Variants in PATJ observed in about 807,000 individuals in gnomAD.
PATJ encodes inaD-like protein.
Under a neutral mutation model 224.9 loss-of-function variants are expected in PATJ, and 190 were observed. The ratio of observed to expected loss-of-function variants is 0.84; its 90% CI spans 0.75 to 0.95. The LOEUF (loss-of-function observed/expected upper bound fraction) is 0.95. PATJ is among the 40% of genes least tolerant of loss of function. The pLI is 0.00. For missense variants in PATJ, 2,121 were observed against 2,270.3 expected, an observed-to-expected ratio of 0.93 and a Z score of 1.34; for synonymous variants, 769 against 820.3, an observed-to-expected ratio of 0.94 and a Z score of 1.07.
At chr1:61,876,640 A>G (rs1667368369) in intron 21 of PATJ, among the ~76,000 whole-genome samples, 1 of 152,154 alleles carries the variant, frequency 6.6e-6, no homozygotes, top group Non-Finnish European at 1.5e-5. Context: ...AGTAATGATG[A>G]AAATCAAAAT....
chr1:61,824,566 T>C (rs1462083848), intron 15 of PATJ, among the ~76,000 whole-genome samples: 1 of 151,502 alleles, frequency 6.6e-6, no homozygotes, highest in Non-Finnish European at 1.5e-5. Flanking sequence ...GCTAGGACCA[T>C]AGCTGTGCGC....
chr1:62,148,246 C>A lies in PATJ; in HGVS notation c.5272-38C>A, dbSNP rs769244946. On this transcript the variant is annotated intron_variant, in intron 41 of 43. Coordinates refer to ENST00000642238, the MANE Select transcript of PATJ (RefSeq NM_001350145.3). ...GCATGGTTTCTCTAATTCTCCCCTT[C>A]TTTATAATGAAATACCTTTTTTTCA... The A allele has an allele frequency of 7.8e-6, 11 of 1,417,694 alleles. No individual in the cohort carries two copies. The Admixed American group carries it at 1.9e-4, about 24-fold the overall frequency. 87.8% of individuals were successfully genotyped at this position (1,417,694 alleles called of 1,614,324 possible).
intron 41 of PATJ, among the ~76,000 whole-genome samples, chr1:62,142,412 G>A (rs185395902): frequency 6.6e-6 from 1 of 151,818 alleles, no homozygotes; most frequent in East Asian, 1.9e-4. Context: ...GTCTCACCCT[G>A]CTCTGTGGAA....
chr1:62,121,409 C>T, intron 38 of PATJ, 114 bp downstream of exon 38: 4 of 682,562 alleles, frequency 5.9e-6, no homozygotes, highest in Non-Finnish European at 9.9e-6. Context: ...ATTTTTTGAG[C>T]TTGGCCACAT....
intron 17 of PATJ, 86 bp downstream of exon 17, chr1:61,833,871 A>G (rs1258108728): frequency 1.6e-6 from 2 of 1,272,236 alleles, no homozygotes; most frequent in Non-Finnish European, 1.1e-6. Flanking sequence ...TAAGACCCCT[A>G]TTGACTTAAG....
rs1309627903 is a variant in PATJ, at chr1:62,000,722, A to G, written c.3867+10358A>G. ...CTTTGGGTATATACCCAGTAATGGG[A>G]TGGCTGGGTCAAATGGTATTTCTAG... On this transcript the variant is annotated intron_variant, in intron 28 of 43. Transcript: ENST00000642238. Among the ~76,000 whole-genome samples, 35 of 150,782 alleles carry G rather than the reference A, an allele frequency of 2.3e-4. 1 individual carries two copies. The highest frequency in any genetic ancestry group is 2.9e-5 in the Non-Finnish European group (2 of 67,812).
At chr1:61,833,549 G>T in intron 16 of PATJ, 105 bp from the exon 17 acceptor site, 1 of 1,145,156 alleles carries the variant, frequency 8.7e-7, no homozygotes, top group East Asian at 2.7e-5. Flanking sequence ...GCATGCCAAA[G>T]AGAATTCTCA....
intron 10 of PATJ, 77 bp downstream of exon 10, chr1:61,795,635 G>A: frequency 1.2e-6 from 1 of 818,984 alleles, no homozygotes; most frequent in East Asian, 2.6e-5. Context: ...CATGTGAGAG[G>A]GGGAATAGCT....
chr1:62,024,667 C>G (rs1384832324), intron 29 of PATJ, among the ~76,000 whole-genome samples: 6 of 52,628 alleles, frequency 1.1e-4, no homozygotes, highest in Non-Finnish European at 2.4e-4. Context: ...AACACACACA[C>G]ACACACACAC....
intron 27 of PATJ, among the ~76,000 whole-genome samples, chr1:61,982,489 G>A (rs1644502451): frequency 6.6e-6 from 1 of 152,100 alleles, no homozygotes; most frequent in Non-Finnish European, 1.5e-5. Context: ...CAGTTCATCT[G>A]CAAATGGAGG....
chr1:62,117,067 G>A, intron 36 of PATJ, 65 bp from the exon 37 acceptor site: 1 of 1,343,904 alleles, frequency 7.4e-7, no homozygotes, highest in Non-Finnish European at 1.1e-6. Context: ...GAGAGGCTCT[G>A]TTAAGATATT....
chr1:62,012,194 G>C (rs1646493610), intron 28 of PATJ, among the ~76,000 whole-genome samples: 1 of 152,044 alleles, frequency 6.6e-6, no homozygotes, highest in South Asian at 2.1e-4. Context: ...TCTTTTTATA[G>C]AGATGGCTGT....
chr1:61,863,726 G>A (rs1664987031), intron 19 of PATJ, among the ~76,000 whole-genome samples: 1 of 152,056 alleles, frequency 6.6e-6, no homozygotes, highest in Non-Finnish European at 1.5e-5. Context: ...TATTATAAAA[G>A]AGTCATACTC....
At chr1:61,951,198 A>T (rs2149384868) in intron 27 of PATJ, among the ~76,000 whole-genome samples, 1 of 152,232 alleles carries the variant, frequency 6.6e-6, no homozygotes, top group East Asian at 1.9e-4. Flanking sequence ...AAAGGAAAAA[A>T]AAAGTTATTT....
In PATJ at chr1:62,163,088, A is replaced by G; in HGVS notation, c.*2034A>G. On this transcript the variant is annotated 3_prime_UTR_variant, in exon 44 of 44. Coordinates refer to ENST00000642238, the MANE Select transcript of PATJ (RefSeq NM_001350145.3). ...GGGCTCTAATTTAAAATGTTATTTA[A>G]TAAGTATAGATTTTAATTGAGAATT... 1 of 177,766 alleles carries G rather than the reference A, an allele frequency of 5.6e-6. No individual in the cohort carries two copies. The allele number at this position is 177,766 out of a possible 1,614,324, so 11.0% of individuals were successfully genotyped here. A position where few individuals can be genotyped will look rare whatever the true frequency, so the allele number is the denominator to read the frequency against.
intron 34 of PATJ, 41 bp from the exon 35 acceptor site, chr1:62,114,012 T>G: frequency 6.3e-7 from 1 of 1,588,462 alleles, no homozygotes; most frequent in Non-Finnish European, 8.6e-7. Flanking sequence ...GGCAGAGACC[T>G]CTGCCATCAG....
intron 28 of PATJ, 125 bp from the exon 29 acceptor site, chr1:62,017,729 CAA>C (rs58692636): frequency 0.021 from 6,644 of 316,892 alleles, no homozygotes; most frequent in East Asian, 0.03. Flanking sequence ...GAGACTGTCT[CAA>C]AAAAAAAAAA....
At chr1:62,090,943 A>G (rs543849108) in intron 33 of PATJ, among the ~76,000 whole-genome samples, 1 of 152,368 alleles carries the variant, frequency 6.6e-6, no homozygotes, top group South Asian at 2.1e-4. Context: ...TGGGGTTATT[A>G]TCAGGCTTGG....
At chr1:62,038,912 C>T in intron 30 of PATJ, 1 of 963,682 alleles carries the variant, frequency 1.0e-6, no homozygotes, top group East Asian at 2.4e-5. Context: ...GTCCTGTGCA[C>T]AGATTCACTT....
Sources: allele counts gnomAD v4.1 joint callset (sites outside exome capture counted in the v4.1 genomes callset), GRCh38; gene constraint gnomAD v4.1.1; transcripts MANE v1.5; gene names NCBI Gene and HGNC (gene_info 2026-07-23, HGNC 2026-07-21).